The following DPPA3 variants were observed in gnomAD, a reference collection of about 807,000 sequenced individuals.
DPPA3 encodes the protein developmental pluripotency-associated protein 3.
A neutral mutation model predicts 15.6 loss-of-function variants in DPPA3; 9 were observed. The ratio of observed to expected loss-of-function variants is 0.58; its 90% CI spans 0.35 to 1.01. DPPA3 has a LOEUF of 1.01. Ranked by LOEUF, DPPA3 falls within the 50% of genes least tolerant of loss-of-function variation. The pLI, the probability that DPPA3 is intolerant of heterozygous loss-of-function variation, is 0.02. For missense variants in DPPA3, 148 were observed against 194.6 expected (o/e 0.76, Z 1.42); for synonymous variants, 61 against 70.9 (o/e 0.86, Z 0.70).
intron 1 of DPPA3, among the ~76,000 whole-genome samples, chr12:7,713,127 C>T (rs918896013): frequency 3.3e-5 from 5 of 152,198 alleles, no homozygotes; most frequent in African/African-American, 9.6e-5. Flanking sequence ...AGGCCCTCCA[C>T]GTGGTTTGAA....
intron 1 of DPPA3, among the ~76,000 whole-genome samples, chr12:7,714,449 C>T (rs1364790249): frequency 6.6e-6 from 1 of 152,128 alleles, no homozygotes; most frequent in South Asian, 2.1e-4. Flanking sequence ...AAAGTTTAAA[C>T]CCGTGTTGTT....
chr12:7,716,468 C>G (rs1864400648), intron 3 of DPPA3, among the ~76,000 whole-genome samples: 1 of 152,098 alleles, frequency 6.6e-6, no homozygotes, highest in Middle Eastern at 3.2e-3. Flanking sequence ...TTCCCCCACA[C>G]CCCACACATG....
chr12:7,716,119 T>C (rs1271511718), intron 2 of DPPA3, 79 bp from the exon 3 acceptor site: 24 of 1,261,732 alleles, frequency 1.9e-5, no homozygotes, highest in Non-Finnish European at 2.6e-5. Flanking sequence ...TTCCCTAGCT[T>C]CTCTCCCTTA....
chr12:7,715,513 AGGCCC>A (rs1479580028), intron 2 of DPPA3, 86 bp downstream of exon 2: 1 of 1,594,930 alleles, frequency 6.3e-7, no homozygotes, highest in African/African-American at 1.3e-5. Flanking sequence ...CCCTAGCTCT[AGGCCC>A]GGTGCGGTGG....
chr12:7,712,201 C>T (rs2136890562), intron 1 of DPPA3, among the ~76,000 whole-genome samples: 1 of 151,388 alleles, frequency 6.6e-6, no homozygotes, highest in Middle Eastern at 3.4e-3. Context: ...AGGCTTGAGC[C>T]ACTGCGCCCG....
chr12:7,716,231 G>C lies in DPPA3; in HGVS notation c.361G>C (p.Gly121Arg). ...AAGACCAACAAACAAGGAGCCTAAG[G>C]GAGTTAAGGTAAGTATAATTTTTTT... ...ERRPTNKEPK[G>R]VKKESRPFKC... The change falls in exon 3 of 4, where the codon GGA (glycine) becomes CGA (arginine). Residue 121 changes from glycine (G) to arginine (R), a missense_variant. Coordinates refer to ENST00000345088, the MANE Select transcript of DPPA3 (RefSeq NM_199286.4). 6.3e-7 allele frequency: 1 copy of C among 1,595,054 alleles called. No individual in the cohort carries two copies. The highest frequency in any genetic ancestry group is 1.4e-5 in the African/African-American group (1 of 73,644).
intron 1 of DPPA3, among the ~76,000 whole-genome samples, chr12:7,714,200 A>C (rs1320162517): frequency 6.6e-6 from 1 of 152,080 alleles, no homozygotes; most frequent in Non-Finnish European, 1.5e-5. Context: ...ACTGCACTCC[A>C]GCCTGGGAGG....
At chr12:7,716,315 C>A (rs918618577) in intron 3 of DPPA3, 76 bp downstream of exon 3, 1 of 1,149,954 alleles carries the variant, frequency 8.7e-7, no homozygotes, top group Non-Finnish European at 1.2e-6. Context: ...TGGTTTGTTT[C>A]CTTTTGCCGG....
chr12:7,714,869 C>A (rs757303155), intron 1 of DPPA3, among the ~76,000 whole-genome samples: 1 of 151,958 alleles, frequency 6.6e-6, no homozygotes, highest in Non-Finnish European at 1.5e-5. Context: ...CCCGCCACAA[C>A]GCCCGGCTAA....
At chr12:7,713,800 T>A (rs1038017520) in intron 1 of DPPA3, among the ~76,000 whole-genome samples, 3 of 152,208 alleles carry the variant, frequency 2.0e-5, no homozygotes, top group Non-Finnish European at 4.4e-5. Context: ...TTCCACAGAA[T>A]GTACGGTAGG....
intron 2 of DPPA3, among the ~76,000 whole-genome samples, chr12:7,715,765 C>A (rs1471964427): frequency 1.3e-5 from 2 of 152,098 alleles, no homozygotes; most frequent in Non-Finnish European, 2.9e-5. Context: ...CCATTGCCCT[C>A]CAGCCTGGGC....
At chr12:7,714,989 A>G (rs1217051015) in intron 1 of DPPA3, among the ~76,000 whole-genome samples, 194 bp from the exon 2 acceptor site, 1 of 152,172 alleles carries the variant, frequency 6.6e-6, no homozygotes, top group Non-Finnish European at 1.5e-5. Flanking sequence ...CTGGGATTAC[A>G]GGCGTGAGCC....
chr12:7,713,266 T>C (rs895792475), intron 1 of DPPA3, among the ~76,000 whole-genome samples: 3 of 152,258 alleles, frequency 2.0e-5, no homozygotes, highest in Non-Finnish European at 4.4e-5. Context: ...GCTGACGCCC[T>C]CTGCGCCTGG....
rs1294535690 is a variant in DPPA3, at chr12:7,715,428, G to A, written c.327+1G>A. The stretch of plus-strand genomic sequence containing the variant: ...CATGTTACTCGGCGGAGTTCGTACG[G>A]TATGTTGATGTGATGTGGCCGGGGC... On this transcript the variant is annotated splice_donor_variant, in intron 2 of 3. Transcript: ENST00000345088. LOFTEE classifies it high-confidence loss of function. 2 of 1,613,776 alleles carry A rather than the reference G, an allele frequency of 1.2e-6. No homozygotes were observed. The highest frequency in any genetic ancestry group is 1.3e-5 in the African/African-American group (1 of 74,904).
At chr12:7,714,217 G>C (rs374806928) in intron 1 of DPPA3, among the ~76,000 whole-genome samples, 6 of 152,044 alleles carry the variant, frequency 3.9e-5, no homozygotes, top group African/African-American at 1.4e-4. Context: ...GAGGCAGAGC[G>C]AGACTCCGTC....
At position 7,717,521 on chromosome 12, in the gene DPPA3, T is replaced by C. The variant is rs1456967436; in HGVS notation, c.*444T>C. On this transcript the variant is annotated 3_prime_UTR_variant, in exon 4 of 4. Coordinates refer to ENST00000345088, the MANE Select transcript of DPPA3 (RefSeq NM_199286.4). ...AGTTTTCAGTACAAAAGTGTTTATA[T>C]AGAAACAATAAAGTTGACATTTGAG... 6.5e-6 allele frequency: 1 copy of C among 153,650 alleles called. No homozygotes were observed. The highest frequency in any genetic ancestry group is 1.4e-5 in the Non-Finnish European group (1 of 69,128). The allele number at this position is 153,650 out of a possible 1,614,324, so 9.5% of individuals were successfully genotyped here. A position where few individuals can be genotyped will look rare whatever the true frequency, so the allele number is the denominator to read the frequency against.
intron 1 of DPPA3, among the ~76,000 whole-genome samples, chr12:7,714,935 G>C (rs1439259990): frequency 4.6e-5 from 7 of 151,842 alleles, no homozygotes; most frequent in Non-Finnish European, 1.0e-4. Flanking sequence ...GGATGGTCTC[G>C]ATCTCCTGAC....
chr12:7,716,480 C>T (rs978139188), intron 3 of DPPA3, among the ~76,000 whole-genome samples: 5 of 151,946 alleles, frequency 3.3e-5, no homozygotes, highest in Admixed American at 6.6e-5. Context: ...CCACACATGC[C>T]GCCTCTACTG....
chr12:7,716,632 C>T (rs912668663), intron 3 of DPPA3, among the ~76,000 whole-genome samples: 3 of 152,004 alleles, frequency 2.0e-5, no homozygotes, highest in East Asian at 1.9e-4. Flanking sequence ...AATATCTTCA[C>T]GGTAGCACTG....
Sources: allele counts gnomAD v4.1 joint callset (sites outside exome capture counted in the v4.1 genomes callset), GRCh38; gene constraint gnomAD v4.1.1; transcripts MANE v1.5; gene names NCBI Gene and HGNC (gene_info 2026-07-23, HGNC 2026-07-21).